TRIM2: variants seen among roughly 807,000 people sequenced by gnomAD.
The protein encoded by TRIM2 is tripartite motif-containing protein 2.
In TRIM2, 20 loss-of-function variants were observed where a neutral mutation model predicts 75.2. The observed-to-expected ratio is 0.27, with a 90% CI of 0.19 to 0.39. The LOEUF is 0.39. Among genes scored for constraint, TRIM2 ranks in the 10% least tolerant of loss-of-function variants. The probability of loss-of-function intolerance (pLI) is 1.00; values close to 1 mark genes in which losing one functional copy is unlikely to be tolerated. For synonymous variants in TRIM2, 373 were observed against 388.3 expected, an observed-to-expected ratio of 0.96 and a Z score of 0.46; for missense variants, 660 against 990.8, an observed-to-expected ratio of 0.67 and a Z score of 4.48.
chr4:153,234,464 C>A (rs977452886), intron 1 of TRIM2, among the ~76,000 whole-genome samples: 9 of 152,142 alleles, frequency 5.9e-5, no homozygotes, highest in African/African-American at 1.4e-4. Flanking sequence ...CTCATGCAAC[C>A]TTTGTTTCAG....
At chr4:153,255,692 A>G (rs1751921056) in intron 1 of TRIM2, among the ~76,000 whole-genome samples, 2 of 152,254 alleles carry the variant, frequency 1.3e-5, no homozygotes, top group Non-Finnish European at 2.9e-5. Context: ...AAAAAGTGGA[A>G]ACAACCCAGT....
At position 153,204,498 on chromosome 4, in the gene TRIM2, C is replaced by A. The variant is rs1734839077; in HGVS notation, c.-33C>A. Reference sequence around the variant, plus strand: ...GTCTGCGGGCTGCGGGGAGCTAAGTCCCCAGATTGGAGGAGGCTGGCTCTG... The same window carrying A: ...GTCTGCGGGCTGCGGGGAGCTAAGTACCCAGATTGGAGGAGGCTGGCTCTG... On this transcript the variant is annotated 5_prime_UTR_variant, in exon 1 of 12. Coordinates refer to ENST00000338700, the MANE Select transcript of TRIM2 (RefSeq NM_015271.5). The A allele has an allele frequency of 1.3e-5, 20 of 1,551,494 alleles. No individual in the cohort carries two copies. The highest frequency in any genetic ancestry group is 1.7e-5 in the Non-Finnish European group (20 of 1,146,964).
chr4:153,324,037 T>C, intron 9 of TRIM2, 41 bp from the exon 10 acceptor site: 3 of 1,512,974 alleles, frequency 2.0e-6, no homozygotes, highest in Non-Finnish European at 2.7e-6. Flanking sequence ...GTAATCACTT[T>C]TGTTGTAGTC....
At chr4:153,188,385 G>C (rs1457233507) in intron 1 of TRIM2, among the ~76,000 whole-genome samples, 1 of 151,938 alleles carries the variant, frequency 6.6e-6, no homozygotes. Flanking sequence ...ATCTGAGCTC[G>C]AGAGGTAGAG....
intron 2 of TRIM2, among the ~76,000 whole-genome samples, chr4:153,271,621 G>C (rs565862610): frequency 2.0e-5 from 3 of 151,994 alleles, no homozygotes; most frequent in Non-Finnish European, 4.4e-5. Flanking sequence ...GTTTGTTTTA[G>C]TGGTGGTATA....
At chr4:153,332,280 A>C (rs763563814) in intron 11 of TRIM2, among the ~76,000 whole-genome samples, 1 of 152,230 alleles carries the variant, frequency 6.6e-6, no homozygotes, top group Non-Finnish European at 1.5e-5. Flanking sequence ...CTGACAAAGG[A>C]ATTATACCTA....
chr4:153,202,293 A>G (rs1379715081), upstream of TRIM2, among the ~76,000 whole-genome samples: 3 of 152,236 alleles, frequency 2.0e-5, no homozygotes, highest in African/African-American at 7.2e-5. Context: ...AAACTATTTC[A>G]AATGTAATGA....
intron 1 of TRIM2, chr4:153,157,001 TG>T (rs1303070295): frequency 6.6e-6 from 1 of 152,246 alleles, no homozygotes; most frequent in Non-Finnish European, 1.5e-5. Flanking sequence ...AAGACCAGGG[TG>T]ACACCTCTCT....
intron 2 of TRIM2, among the ~76,000 whole-genome samples, chr4:153,273,589 A>G (rs973664153): frequency 6.6e-6 from 1 of 151,240 alleles, no homozygotes; most frequent in Admixed American, 6.6e-5. Flanking sequence ...CACCACGCCC[A>G]GCCCTTACAG....
intron 6 of TRIM2, among the ~76,000 whole-genome samples, chr4:153,302,346 G>A (rs887522604): frequency 1.3e-5 from 2 of 152,170 alleles, no homozygotes; most frequent in Non-Finnish European, 1.5e-5. Context: ...CCTAGTGCCT[G>A]CCAGGCGTTA....
At position 153,158,352 on chromosome 4, in the gene TRIM2, AT is replaced by A. The variant is rs1221548508; in HGVS notation, c.-49+5083del. Among the ~76,000 whole-genome samples the A allele has an allele frequency of 8.5e-5, 13 of 152,368 alleles. 1 individual carries two copies. The East Asian group carries it at 2.5e-3, about 29-fold the overall frequency. On this transcript the variant is annotated intron_variant, in intron 1 of 11. Transcript: ENST00000437508. ...GCTCAATTATGCAATCCTATGAACTATAATTGGTTTGTAAAAACAATTTCAT... is the reference window on the plus strand; with the variant it reads ...GCTCAATTATGCAATCCTATGAACTAAATTGGTTTGTAAAAACAATTTCAT...
chr4:153,215,613 G>A (rs953230893), intron 1 of TRIM2, among the ~76,000 whole-genome samples: 5 of 151,972 alleles, frequency 3.3e-5, no homozygotes, highest in Admixed American at 2.6e-4. Flanking sequence ...GTGATATTCC[G>A]TTGAGCTGTT....
chr4:153,208,861 C>T (rs1050151952), intron 1 of TRIM2, among the ~76,000 whole-genome samples: 1 of 152,110 alleles, frequency 6.6e-6, no homozygotes, highest in Non-Finnish European at 1.5e-5. Flanking sequence ...AATTTCCATA[C>T]ATTACAAAAG....
chr4:153,299,363 A>G (rs1470879703), intron 6 of TRIM2, among the ~76,000 whole-genome samples: 1 of 152,122 alleles, frequency 6.6e-6, no homozygotes, highest in Non-Finnish European at 1.5e-5. Context: ...GTGTATATAT[A>G]TATATACACA....
chr4:153,318,489 A>G (rs1242362147), intron 8 of TRIM2, among the ~76,000 whole-genome samples: 2 of 152,134 alleles, frequency 1.3e-5, no homozygotes, highest in Non-Finnish European at 2.9e-5. Context: ...TGATGACCAC[A>G]TATATATAAA....
chr4:153,303,915 CTA>C, intron 6 of TRIM2, among the ~76,000 whole-genome samples: 1 of 152,142 alleles, frequency 6.6e-6, no homozygotes, highest in Non-Finnish European at 1.5e-5. Context: ...TGAGCACCTT[CTA>C]TGTTAGGTCA....
At chr4:153,230,148 G>A (rs1242446901) in intron 1 of TRIM2, among the ~76,000 whole-genome samples, 2 of 152,092 alleles carry the variant, frequency 1.3e-5, no homozygotes, top group Non-Finnish European at 2.9e-5. Context: ...GACTGCTACG[G>A]TACTTACAGC....
chr4:153,244,349 T>G (rs866122839), intron 1 of TRIM2, among the ~76,000 whole-genome samples: 2 of 30,476 alleles, frequency 6.6e-5, no homozygotes, highest in African/African-American at 5.5e-4. Context: ...CTTCTTCTTC[T>G]TCTTCCTCTT....
chr4:153,278,832 A>C (rs1758598097), intron 3 of TRIM2, among the ~76,000 whole-genome samples: 2 of 152,126 alleles, frequency 1.3e-5, no homozygotes, highest in South Asian at 4.1e-4. Flanking sequence ...AAAAAAAATA[A>C]ATGTTACCTC....
Sources: gnomAD v4.1 joint callset for allele counts (sites outside exome capture counted in the v4.1 genomes callset) on GRCh38, gnomAD v4.1.1 for gene constraint, MANE v1.5 for transcripts, NCBI Gene and HGNC (gene_info 2026-07-23, HGNC 2026-07-21) for gene names.